Variants in TIAM1 observed in about 807,000 individuals in gnomAD.
TIAM1 encodes rho guanine nucleotide exchange factor TIAM1.
Under a neutral mutation model 163.5 loss-of-function variants are expected in TIAM1, and 65 were observed. The ratio of observed to expected loss-of-function variants is 0.40; its 90% CI spans 0.33 to 0.49. The LOEUF is 0.49. TIAM1 is among the 20% of genes least tolerant of loss of function. The pLI is 0.77. For synonymous variants in TIAM1, 833 were observed against 810.1 expected, an observed-to-expected ratio of 1.03 and a Z score of -0.48; for missense variants, 1,789 against 2,044.7, an observed-to-expected ratio of 0.87 and a Z score of 2.41.
At chr21:31,372,866 A>G (rs1342123992) in intron 2 of TIAM1, among the ~76,000 whole-genome samples, 2 of 151,926 alleles carry the variant, frequency 1.3e-5, no homozygotes, top group South Asian at 2.1e-4. Context: ...GACCAGCTTG[A>G]CCAACATGAA....
intron 1 of TIAM1, among the ~76,000 whole-genome samples, chr21:31,504,909 T>C (rs1016014703): frequency 2.0e-5 from 3 of 152,126 alleles, no homozygotes; most frequent in Non-Finnish European, 2.9e-5. Context: ...TAATAGATAC[T>C]CCTGCCCTGA....
intron 2 of TIAM1, among the ~76,000 whole-genome samples, chr21:31,308,238 G>C (rs1279587442): frequency 6.6e-6 from 1 of 152,056 alleles, no homozygotes; most frequent in Non-Finnish European, 1.5e-5. Context: ...GAGATGGAGT[G>C]AAATGTCATC....
rs34844399 is a variant in TIAM1 at position 31,438,179 on chromosome 21, C to CTTTTTTTTT, written c.-369+25795_-369+25803dup. 1.4e-4 allele frequency among the ~76,000 whole-genome samples: 9 copies of CTTTTTTTTT among 62,720 alleles called. 1 individual carries two copies. Among genetic ancestry groups the CTTTTTTTTT allele is most frequent in the African/African-American group, 4.9e-4 (7 of 14,290 alleles). The allele number at this position is 62,720 out of a possible 152,430, so 41.1% of individuals were successfully genotyped here. A position where few individuals can be genotyped will look rare whatever the true frequency, so the allele number is the denominator to read the frequency against. ...ACATATGTAATTGCGTATTTGTGAT[C>CTTTTTTTTT]TTTTTTTTTTTTTTTTTTTTTTTTT... On this transcript the variant is annotated intron_variant, in intron 2 of 28. Coordinates refer to the TIAM1 transcript ENST00000286827.
intron 14 of TIAM1, among the ~76,000 whole-genome samples, chr21:31,185,177 C>A (rs2085220783): frequency 6.6e-6 from 1 of 151,920 alleles, no homozygotes; most frequent in Non-Finnish European, 1.5e-5. Flanking sequence ...AACTACAAAT[C>A]CCATAGCAAG....
intron 12 of TIAM1, among the ~76,000 whole-genome samples, chr21:31,202,153 C>A (rs1371576782): frequency 2.0e-5 from 3 of 152,012 alleles, no homozygotes; most frequent in African/African-American, 7.2e-5. Context: ...TTTCACCCAA[C>A]AAGATTTGAT....
At position 31,493,171 on chromosome 21, in the gene TIAM1, T is replaced by G. The variant is rs145088224; in HGVS notation, c.-421-29136A>C. On this transcript the variant is annotated intron_variant, in intron 1 of 28. Transcript: ENST00000286827. ...ATGCAGGCTCTGCAAAGGATTCAGT[T>G]ATATTTCAGATACAGCCCTAGTGGC... is the stretch of plus-strand genomic sequence containing the variant. Among the ~76,000 whole-genome samples the G allele has an allele frequency of 2.1e-3, 313 of 152,306 alleles. 1 individual carries two copies. The highest frequency in any genetic ancestry group is 6.8e-3 in the Middle Eastern group (2 of 294).
chr21:31,321,339 T>C (rs1354494874), intron 2 of TIAM1, among the ~76,000 whole-genome samples: 1 of 27,428 alleles, frequency 3.6e-5, no homozygotes, highest in Non-Finnish European at 7.2e-5. Context: ...CTCTACTGTT[T>C]GTTTGTTTGT....
At chr21:31,452,306 G>GCA (rs1180725236) in intron 2 of TIAM1, among the ~76,000 whole-genome samples, 1 of 152,084 alleles carries the variant, frequency 6.6e-6, no homozygotes, top group African/African-American at 2.4e-5. Context: ...AGGCATGGTG[G>GCA]CACACACCTA....
intron 1 of TIAM1, among the ~76,000 whole-genome samples, chr21:31,536,710 G>A (rs904886235): frequency 3.3e-5 from 5 of 152,190 alleles, no homozygotes; most frequent in African/African-American, 1.2e-4. Flanking sequence ...AACAGGGCAT[G>A]GGCACGAGCC....
At chr21:31,424,838 G>T (rs1211824094) in intron 2 of TIAM1, among the ~76,000 whole-genome samples, 1 of 152,126 alleles carries the variant, frequency 6.6e-6, no homozygotes, top group Admixed American at 6.5e-5. Context: ...ATCACTTGAG[G>T]TCAGGAGTTC....
chr21:31,403,197 G>A (rs1307979771), intron 2 of TIAM1, among the ~76,000 whole-genome samples: 5 of 151,880 alleles, frequency 3.3e-5, no homozygotes, highest in African/African-American at 1.2e-4. Flanking sequence ...ATCCAGGCTG[G>A]AGTGCAGTGG....
chr21:31,487,045 T>C (rs564258200), intron 1 of TIAM1, among the ~76,000 whole-genome samples: 2 of 152,128 alleles, frequency 1.3e-5, no homozygotes, highest in South Asian at 4.2e-4. Context: ...GCACTGGAGG[T>C]CACGCCTAGC....
At chr21:31,356,663 T>G (rs1346902964) in intron 2 of TIAM1, among the ~76,000 whole-genome samples, 1 of 152,254 alleles carries the variant, frequency 6.6e-6, no homozygotes, top group East Asian at 1.9e-4. Context: ...AATCTGCTGT[T>G]GCCTAGATCT....
At chr21:31,121,653 T>C (rs574789417) in intron 27 of TIAM1, among the ~76,000 whole-genome samples, 19 of 152,280 alleles carry the variant, frequency 1.2e-4, no homozygotes, top group African/African-American at 3.8e-4. Flanking sequence ...CAGTGCCTCA[T>C]TGGAATGAGA....
At chr21:31,321,891 A>G (rs1024032956) in intron 2 of TIAM1, among the ~76,000 whole-genome samples, 8 of 151,998 alleles carry the variant, frequency 5.3e-5, no homozygotes, top group African/African-American at 1.7e-4. Context: ...CATCTCTACT[A>G]AAAATACAAA....
chr21:31,266,615 C>A lies in TIAM1; in HGVS notation c.358G>T (p.Ala120Ser), dbSNP rs370047211. ...PSVDSSIVLT[A>S]ASVQSMPDTE... ...TCTGGCATGCTCTGCACAGAGGCTGCTGTGAGGACGATGCTGCTGTCTACG... is the reference window on the plus strand; with the variant it reads ...TCTGGCATGCTCTGCACAGAGGCTGATGTGAGGACGATGCTGCTGTCTACG... Residue 120 changes from alanine (A) to serine (S), a missense_variant, in exon 4 of 28, where the codon GCA becomes TCA. Physicochemically the swap from Ala to Ser is moderately conservative, Grantham distance 99. This residue lies in a region of TIAM1 where 555 missense variants were observed against 564.9 expected (regional missense o/e 0.98). Coordinates refer to ENST00000541036, the MANE Select transcript of TIAM1 (RefSeq NM_001353694.2). 1.3e-5 allele frequency: 21 copies of A among 1,614,086 alleles called. No individual in the cohort carries two copies. Among genetic ancestry groups the A allele is most frequent in the Non-Finnish European group, 1.7e-5 (20 of 1,180,048 alleles).
intron 2 of TIAM1, among the ~76,000 whole-genome samples, chr21:31,396,905 C>T (rs1425355431): frequency 6.6e-6 from 1 of 152,028 alleles, no homozygotes; most frequent in East Asian, 1.9e-4. Flanking sequence ...ACCGAGATCG[C>T]GCCACTGCAC....
chr21:31,470,641 G>T, intron 1 of TIAM1, among the ~76,000 whole-genome samples: 1 of 152,180 alleles, frequency 6.6e-6, no homozygotes, highest in Middle Eastern at 3.4e-3. Flanking sequence ...CTAAAACCTC[G>T]AATTTTCTAC....
At chr21:31,229,777 C>T (rs879278133) in intron 6 of TIAM1, among the ~76,000 whole-genome samples, 24 of 152,062 alleles carry the variant, frequency 1.6e-4, no homozygotes, top group Admixed American at 1.4e-3. Flanking sequence ...CTCAGCCTCC[C>T]GAGCAGTTGG....
Sources: gnomAD v4.1 joint callset for allele counts (sites outside exome capture counted in the v4.1 genomes callset) on GRCh38, gnomAD v4.1.1 for gene constraint, gnomAD v4.1.1 regional missense constraint, MANE v1.5 for transcripts, NCBI Gene and HGNC (gene_info 2026-07-23, HGNC 2026-07-21) for gene names.